Variants in MAPK10 observed in about 807,000 individuals in gnomAD.
MAPK10 encodes mitogen-activated protein kinase 10.
In MAPK10, 25 loss-of-function variants were observed where a neutral mutation model predicts 59.3. The ratio of observed to expected loss-of-function variants is 0.42; its 90% CI spans 0.31 to 0.59. The LOEUF (loss-of-function observed/expected upper bound fraction) is 0.59. MAPK10 is among the 20% of genes least tolerant of loss of function. The pLI, the probability that MAPK10 is intolerant of heterozygous loss-of-function variation, is 0.15. For synonymous variants in MAPK10, 190 were observed against 200.5 expected, an observed-to-expected ratio of 0.95 and a Z score of 0.44; for missense variants, 351 against 568.9, an observed-to-expected ratio of 0.62 and a Z score of 3.90.
intron 2 of MAPK10, among the ~76,000 whole-genome samples, chr4:86,218,465 C>T (rs1432038401): frequency 6.8e-6 from 1 of 147,776 alleles, no homozygotes; most frequent in Non-Finnish European, 1.5e-5. Context: ...CTGGCCTAGG[C>T]TTATTTTTAA....
chr4:86,541,305 T>C (rs1758677111), intron 1 of MAPK10, among the ~76,000 whole-genome samples: 1 of 152,086 alleles, frequency 6.6e-6, no homozygotes, highest in African/African-American at 2.4e-5. Flanking sequence ...CTGGGAGTAA[T>C]TGCTCTGCAC....
At chr4:86,584,289 A>G (rs1310864665) in intron 1 of MAPK10, among the ~76,000 whole-genome samples, 1 of 152,194 alleles carries the variant, frequency 6.6e-6, no homozygotes, top group Non-Finnish European at 1.5e-5. Context: ...CACAGAGGGT[A>G]TAAGCAGCAG....
intron 1 of MAPK10, among the ~76,000 whole-genome samples, chr4:86,536,579 T>C (rs1013057890): frequency 6.6e-6 from 1 of 152,256 alleles, no homozygotes; most frequent in Non-Finnish European, 1.5e-5. Context: ...TTTCTTCCTT[T>C]AGTTGTAGAT....
rs147338990 is a variant in MAPK10, at chr4:86,108,461, C to G, written c.237-1109G>C. On this transcript the variant is annotated intron_variant, in intron 4 of 13. Transcript: ENST00000641462. The stretch of plus-strand genomic sequence containing the variant: ...GAAGTAACATTGACCATTGAAGCCT[C>G]ATGCCACAGAACTAGGGGCAAAAAA... Among the ~76,000 whole-genome samples, 707 of 152,252 alleles carry G rather than the reference C, an allele frequency of 4.6e-3. 3 individuals are homozygous for G. The highest frequency in any genetic ancestry group is 0.016 in the African/African-American group (662 of 41,562).
intron 12 of MAPK10, among the ~76,000 whole-genome samples, chr4:86,029,546 T>C (rs939178362): frequency 2.6e-5 from 4 of 152,224 alleles, no homozygotes; most frequent in African/African-American, 7.2e-5. Flanking sequence ...TCCATATACA[T>C]AGTATTTATT....
At chr4:86,357,627 T>G (rs1022340583) in intron 1 of MAPK10, 1 of 152,176 alleles carries the variant, frequency 6.6e-6, no homozygotes, top group Non-Finnish European at 1.5e-5. Context: ...TACTAATAGC[T>G]GCAGACATAC....
At chr4:86,498,213 C>T (rs987691829) in intron 1 of MAPK10, among the ~76,000 whole-genome samples, 2 of 152,310 alleles carry the variant, frequency 1.3e-5, no homozygotes, top group African/African-American at 4.8e-5. Flanking sequence ...TTATGTGTCA[C>T]TTTATGTAAA....
At chr4:86,174,142 A>C (rs1225338766) in intron 3 of MAPK10, among the ~76,000 whole-genome samples, 1 of 151,592 alleles carries the variant, frequency 6.6e-6, no homozygotes, top group East Asian at 1.9e-4. Context: ...AAGTAATATA[A>C]ATAATTCTAC....
intron 4 of MAPK10, among the ~76,000 whole-genome samples, chr4:86,143,985 T>C (rs1233549293): frequency 6.6e-6 from 1 of 152,216 alleles, no homozygotes; most frequent in Admixed American, 6.5e-5. Context: ...GAAAACAGCA[T>C]AGTTTCAATT....
intron 1 of MAPK10, among the ~76,000 whole-genome samples, chr4:86,475,421 C>T (rs1221499674): frequency 6.6e-6 from 1 of 152,080 alleles, no homozygotes; most frequent in East Asian, 1.9e-4. Flanking sequence ...TCTCACTATC[C>T]CTCAACCTCT....
In MAPK10 at chr4:86,058,844, T is replaced by C. The variant is rs115732700; in HGVS notation, c.1110+5422A>G. Among the ~76,000 whole-genome samples the C allele has an allele frequency of 8.8e-3, 1,346 of 152,178 alleles. 23 individuals carry two copies. Among genetic ancestry groups the C allele is most frequent in the African/African-American group, 0.031 (1,283 of 41,500 alleles). On this transcript the variant is annotated intron_variant, in intron 11 of 13. Transcript: ENST00000641462. ...TCTCTCTGGAATGCCCAGATCAAGCTCTGGAACCTGTTCTACTTTGACCAC... is the reference window on the plus strand; with the variant it reads ...TCTCTCTGGAATGCCCAGATCAAGCCCTGGAACCTGTTCTACTTTGACCAC...
In MAPK10 at chr4:86,065,043, T is replaced by G. The variant is rs566040340; in HGVS notation, c.986-653A>C. ...TCCCAGCTTCCCGAGTAACTGGAAC[T>G]ACAGGCATGCACCACCATGCCTGGC... On this transcript the variant is annotated intron_variant, in intron 10 of 13. Transcript: ENST00000641462. 10 of 152,288 alleles carry G rather than the reference T, an allele frequency of 6.6e-5. No individual in the cohort carries two copies. The East Asian group carries it at 1.7e-3, about 26-fold the overall frequency. The allele number at this position is 152,288 out of a possible 1,614,324, so 9.4% of individuals were successfully genotyped here. A position where few individuals can be genotyped will look rare whatever the true frequency, so the allele number is the denominator to read the frequency against.
intron 9 of MAPK10, among the ~76,000 whole-genome samples, chr4:86,078,604 T>TATACAC (rs545667584): frequency 2.1e-4 from 31 of 149,776 alleles, no homozygotes; most frequent in African/African-American, 6.6e-4. Flanking sequence ...TATATATATA[T>TATACAC]ACACACACAC....
intron 1 of MAPK10, among the ~76,000 whole-genome samples, chr4:86,445,491 G>A (rs1232095029): frequency 6.6e-6 from 1 of 152,160 alleles, no homozygotes; most frequent in African/African-American, 2.4e-5. Context: ...ATTGATAGGT[G>A]CAGCAAACCA....
chr4:86,101,549 A>AT, intron 7 of MAPK10: 1 of 372,674 alleles, frequency 2.7e-6, no homozygotes, highest in South Asian at 4.3e-5. Flanking sequence ...TCTAGGCCTG[A>AT]CAGAAGAACA....
intron 2 of MAPK10, among the ~76,000 whole-genome samples, chr4:86,214,241 A>G (rs1254565298): frequency 1.3e-5 from 2 of 152,092 alleles, no homozygotes; most frequent in African/African-American, 2.4e-5. Flanking sequence ...TCTCAACACA[A>G]TAAGAACCAT....
intron 7 of MAPK10, 109 bp from the exon 8 acceptor site, chr4:86,101,326 T>C: frequency 1.4e-6 from 1 of 698,178 alleles, no homozygotes; most frequent in South Asian, 1.9e-5. Flanking sequence ...GAGGTCCCCC[T>C]TGCCTACAGA....
chr4:86,040,055 A>T (rs1267864348), intron 11 of MAPK10, among the ~76,000 whole-genome samples: 5 of 152,232 alleles, frequency 3.3e-5, no homozygotes, highest in Non-Finnish European at 4.4e-5. Context: ...AGACTGGAAT[A>T]AGCCCTTACT....
At chr4:86,025,566 CTT>C (rs911363681) in intron 13 of MAPK10, 9 of 398,224 alleles carry the variant, frequency 2.3e-5, no homozygotes, top group African/African-American at 1.6e-4. Context: ...AGAAATATCT[CTT>C]CTTTCTATAT....
Sources: allele counts gnomAD v4.1 joint callset (sites outside exome capture counted in the v4.1 genomes callset), GRCh38; gene constraint gnomAD v4.1.1; transcripts MANE v1.5; gene names NCBI Gene and HGNC (gene_info 2026-07-23, HGNC 2026-07-21).